The following MMP16 variants were observed in gnomAD, a reference collection of about 807,000 sequenced individuals.
MMP16 encodes matrix metallopeptidase 16.
MMP16 carries 12 observed loss-of-function variants against 67.8 expected under a neutral mutation model. The observed-to-expected ratio is 0.18, with a 90% CI of 0.11 to 0.29. The LOEUF (loss-of-function observed/expected upper bound fraction) is 0.29. Among genes scored for constraint, MMP16 ranks in the 10% least tolerant of loss-of-function variants. MMP16 has a pLI of 1.00. For synonymous variants in MMP16, 249 were observed against 255.9 expected, an observed-to-expected ratio of 0.97 and a Z score of 0.26; for missense variants, 475 against 765.7, an observed-to-expected ratio of 0.62 and a Z score of 4.48.
intron 6 of MMP16, among the ~76,000 whole-genome samples, chr8:88,083,134 A>G (rs1013174385): frequency 7.2e-5 from 11 of 152,146 alleles, no homozygotes; most frequent in African/African-American, 2.7e-4. Context: ...AAAAAGAGAT[A>G]TAAGTATGTT....
chr8:88,151,626 C>T (rs1438197319), intron 4 of MMP16, among the ~76,000 whole-genome samples: 1 of 142,712 alleles, frequency 7.0e-6, no homozygotes, highest in Non-Finnish European at 1.5e-5. Flanking sequence ...GGGTACATAA[C>T]GAAATGAAGG....
intron 4 of MMP16, among the ~76,000 whole-genome samples, chr8:88,147,314 G>C (rs1478627543): frequency 6.6e-6 from 1 of 151,916 alleles, no homozygotes; most frequent in Non-Finnish European, 1.5e-5. Flanking sequence ...AATAATATAA[G>C]GATCTGAGAA....
intron 7 of MMP16, among the ~76,000 whole-genome samples, chr8:88,071,958 A>G (rs886210201): frequency 1.3e-5 from 2 of 152,126 alleles, no homozygotes; most frequent in African/African-American, 4.8e-5. Flanking sequence ...GGGATAAAAC[A>G]GTGTAAAATA....
At chr8:88,122,069 A>G (rs1184814631) in intron 4 of MMP16, among the ~76,000 whole-genome samples, 3 of 152,064 alleles carry the variant, frequency 2.0e-5, no homozygotes, top group Admixed American at 2.0e-4. Context: ...TCAAGAGGTC[A>G]TCACTACCCG....
intron 7 of MMP16, chr8:88,069,256 T>A: frequency 3.1e-6 from 1 of 325,638 alleles, no homozygotes. Flanking sequence ...TTTGTTGTTT[T>A]CAATGTAGAG....
chr8:88,155,720 C>G (rs969392535), intron 4 of MMP16, among the ~76,000 whole-genome samples: 2 of 152,072 alleles, frequency 1.3e-5, no homozygotes, highest in East Asian at 1.9e-4. Context: ...TTCCACATGA[C>G]AGATTCAGTT....
chr8:88,059,881 A>G (rs1452076847), intron 7 of MMP16, among the ~76,000 whole-genome samples: 1 of 151,872 alleles, frequency 6.6e-6, no homozygotes, highest in Non-Finnish European at 1.5e-5. Flanking sequence ...TTTATATAAT[A>G]CGAAGCCTGA....
At chr8:88,148,541 C>T (rs933088502) in intron 4 of MMP16, among the ~76,000 whole-genome samples, 2 of 152,136 alleles carry the variant, frequency 1.3e-5, no homozygotes, top group South Asian at 2.1e-4. Flanking sequence ...AGTATTTTAA[C>T]GCGGGAGCTT....
In MMP16 at chr8:88,052,936, T is replaced by C. The variant is rs1808288497; in HGVS notation, c.1373+3192A>G. On this transcript the variant is annotated intron_variant, in intron 8 of 9. Transcript: ENST00000286614. Reference sequence around the variant, plus strand: ...TTTCTCACTGTGAAAATTATCAGGGTCATTTATTTGTTTACTGTTTATTAT... The same window carrying C: ...TTTCTCACTGTGAAAATTATCAGGGCCATTTATTTGTTTACTGTTTATTAT... 2.6e-5 allele frequency among the ~76,000 whole-genome samples: 4 copies of C among 152,238 alleles called. No homozygotes were observed. The South Asian group carries it at 8.3e-4, about 32-fold the overall frequency.
chr8:88,144,803 G>T (rs1385191564), intron 4 of MMP16, among the ~76,000 whole-genome samples: 3 of 151,826 alleles, frequency 2.0e-5, no homozygotes, highest in African/African-American at 7.2e-5. Context: ...ATATATCCAA[G>T]ATACAATTTA....
chr8:88,199,712 T>A (rs540044744), intron 1 of MMP16, among the ~76,000 whole-genome samples: 1 of 152,152 alleles, frequency 6.6e-6, no homozygotes, highest in Non-Finnish European at 1.5e-5. Flanking sequence ...AATATATATG[T>A]GAGTATGTAT....
Position 88,074,800 on chromosome 8 carries a change from C to T in MMP16, c.1084-57G>A, listed in dbSNP as rs16877609. The T allele has an allele frequency of 7.2e-4, 1,133 of 1,578,964 alleles. 5 individuals are homozygous for T. The African/African-American group carries it at 0.013, about 19-fold the overall frequency. On this transcript the variant is annotated intron_variant, in intron 6 of 9. Transcript: ENST00000286614. Reference sequence around the variant, plus strand: ...ACACGTAGGCCTCCCTGGCATTTCACGGCGCAATGGCTGGACGCTTTTGAA... The same window carrying T: ...ACACGTAGGCCTCCCTGGCATTTCATGGCGCAATGGCTGGACGCTTTTGAA...
At chr8:88,159,501 C>T (rs950627582) in intron 4 of MMP16, among the ~76,000 whole-genome samples, 2 of 152,058 alleles carry the variant, frequency 1.3e-5, no homozygotes, top group African/African-American at 4.8e-5. Context: ...TGTGATTTTT[C>T]ACATTGATTT....
At chr8:88,188,806 C>A (rs1471713303) in intron 2 of MMP16, among the ~76,000 whole-genome samples, 1 of 152,086 alleles carries the variant, frequency 6.6e-6, no homozygotes, top group Non-Finnish European at 1.5e-5. Flanking sequence ...CAGGCATGCG[C>A]CACCACACCT....
At chr8:88,126,474 T>C (rs533521046) in intron 4 of MMP16, among the ~76,000 whole-genome samples, 73 of 151,986 alleles carry the variant, frequency 4.8e-4, no homozygotes, top group African/African-American at 1.6e-3. Context: ...ATAAATAAAT[T>C]ATGAGGGTCT....
At chr8:88,067,847 G>T (rs1012984351) in intron 7 of MMP16, among the ~76,000 whole-genome samples, 3 of 151,946 alleles carry the variant, frequency 2.0e-5, no homozygotes, top group African/African-American at 7.2e-5. Flanking sequence ...TTCCAGTTTT[G>T]TGTTATCACA....
chr8:88,072,535 A>G (rs2118274117), intron 7 of MMP16, among the ~76,000 whole-genome samples: 1 of 152,236 alleles, frequency 6.6e-6, no homozygotes, highest in South Asian at 2.1e-4. Flanking sequence ...CCTGAGGTTG[A>G]CAATGTACCA....
chr8:88,047,756 G>T (rs981759227), intron 8 of MMP16, among the ~76,000 whole-genome samples: 2 of 152,176 alleles, frequency 1.3e-5, no homozygotes, highest in African/African-American at 4.8e-5. Context: ...TAAGAGAGAT[G>T]AGAAATCATA....
chr8:88,294,427 CAT>C (rs532062195), intron 1 of MMP16, among the ~76,000 whole-genome samples: 84 of 149,856 alleles, frequency 5.6e-4, no homozygotes, highest in South Asian at 5.5e-3. Flanking sequence ...CATATATACA[CAT>C]ATGTATATGT....
Sources: allele counts gnomAD v4.1 joint callset (sites outside exome capture counted in the v4.1 genomes callset), GRCh38; gene constraint gnomAD v4.1.1; transcripts MANE v1.5; gene names NCBI Gene and HGNC (gene_info 2026-07-23, HGNC 2026-07-21).